Variants in ZC3H14 observed in about 807,000 individuals in gnomAD.
ZC3H14 encodes zinc finger CCCH domain-containing protein 14.
Under a neutral mutation model 92.4 loss-of-function variants are expected in ZC3H14, and 31 were observed. That is an observed-to-expected ratio of 0.34 (90% confidence interval 0.25 to 0.45). The LOEUF is 0.45. Ranked by LOEUF, ZC3H14 falls within the 20% of genes least tolerant of loss-of-function variation. The pLI is 1.00. For missense variants in ZC3H14, 781 were observed against 897.3 expected, an observed-to-expected ratio of 0.87 and a Z score of 1.66; for synonymous variants, 321 against 300.9, an observed-to-expected ratio of 1.07 and a Z score of -0.69.
chr14:88,596,711 A>T, intron 9 of ZC3H14, 23 bp from the exon 10 acceptor site: 1 of 1,606,572 alleles, frequency 6.2e-7, no homozygotes, highest in Non-Finnish European at 8.5e-7. Context: ...AAGCTTAGTG[A>T]AGTTTTAAAA....
rs924845591 is a variant in ZC3H14 at position 88,596,883 on chromosome 14, G to T, written c.1354+75G>T. Reference sequence around the variant, plus strand: ...TTCCATTTCTTACACCCCATTTAACGTATCTCGGATCTCTTAGATCCTGCC... The same window carrying T: ...TTCCATTTCTTACACCCCATTTAACTTATCTCGGATCTCTTAGATCCTGCC... On this transcript the variant is annotated intron_variant, in intron 10 of 16. Coordinates refer to ENST00000251038, the MANE Select transcript of ZC3H14 (RefSeq NM_024824.5). The T allele has an allele frequency of 4.9e-6, 6 of 1,232,976 alleles. No homozygotes were observed. In the Admixed American group the frequency reaches 1.0e-4, roughly 21 times the overall value. The allele number at this position is 1,232,976 out of a possible 1,614,324, so 76.4% of individuals were successfully genotyped here.
rs942118263 is a variant in ZC3H14, at chr14:88,572,301, C to T, written c.431+76C>T. On this transcript the variant is annotated intron_variant, in intron 5 of 16. Coordinates refer to ENST00000251038, the MANE Select transcript of ZC3H14 (RefSeq NM_024824.5). Reference sequence around the variant, plus strand: ...CATTTATATTAGTTTTTATATCTTTCAGTTTGCTGTTCTCAGCAATTTTTA... The same window carrying T: ...CATTTATATTAGTTTTTATATCTTTTAGTTTGCTGTTCTCAGCAATTTTTA... 7.2e-6 allele frequency: 11 copies of T among 1,519,990 alleles called. No individual in the cohort carries two copies. In the African/African-American group the frequency reaches 9.7e-5, roughly 13 times the overall value. The allele number at this position is 1,519,990 out of a possible 1,614,324, so 94.2% of individuals were successfully genotyped here. A position where few individuals can be genotyped will look rare whatever the true frequency, so the allele number is the denominator to read the frequency against.
intron 11 of ZC3H14, among the ~76,000 whole-genome samples, chr14:88,602,521 A>C (rs542539968): frequency 1.8e-4 from 27 of 152,262 alleles, no homozygotes; most frequent in South Asian, 6.2e-4. Flanking sequence ...CATTGATGCT[A>C]ATTTTTTGGT....
rs200309496 is a variant in ZC3H14, at chr14:88,575,935, C to T, written c.1118C>T (p.Ser373Phe). Reference sequence around the variant, plus strand: ...TCCGTAACAAAAACAACTAACTACTCTACAGGTAATTTAAATGTATTATGT... The same window carrying T: ...TCCGTAACAAAAACAACTAACTACTTTACAGGTAATTTAAATGTATTATGT... Reference protein sequence around the residue: ...QESVTKTTNYSTVPQKQTLPV... With the variant: ...QESVTKTTNYFTVPQKQTLPV... Residue 373 changes from serine (S) to phenylalanine (F), a missense_variant, in exon 8 of 17, where the codon TCT (serine) becomes TTT (phenylalanine). Ser to Phe is a radical substitution (Grantham distance 155). Transcript: ENST00000251038. 1.2e-6 allele frequency: 2 copies of T among 1,605,670 alleles called. No individual in the cohort carries two copies. Among genetic ancestry groups the T allele is most frequent in the Non-Finnish European group, 8.5e-7 (1 of 1,172,642 alleles).
chr14:88,593,341 C>T (rs1216312126), intron 9 of ZC3H14, among the ~76,000 whole-genome samples: 3 of 152,140 alleles, frequency 2.0e-5, no homozygotes, highest in Non-Finnish European at 4.4e-5. Context: ...CCTGTTTAAA[C>T]CCCAAATTGC....
At chr14:88,574,618 A>G in intron 6 of ZC3H14, 75 bp from the exon 7 acceptor site, 3 of 1,574,374 alleles carry the variant, frequency 1.9e-6, no homozygotes, top group East Asian at 2.2e-5. Context: ...TTTTTTTCTT[A>G]AAATGGAAAC....
intron 9 of ZC3H14, among the ~76,000 whole-genome samples, chr14:88,584,954 A>AAAAAAG (rs1027675476): frequency 1.2e-4 from 19 of 152,316 alleles, no homozygotes; most frequent in African/African-American, 4.3e-4. Flanking sequence ...ATGGTTAAAA[A>AAAAAAG]AAAAAGAAAA....
Position 88,625,193 on chromosome 14 carries a change from T to C in ZC3H14, c.*13442T>C. On this transcript the variant is annotated 3_prime_UTR_variant, in exon 17 of 17. Transcript: ENST00000251038. ...GTTCAAATAGAGTTTAAATAGATAA[T>C]TTTCTATGTATGTGTAATGCTGTCT... 2 of 1,555,860 alleles carry C rather than the reference T, an allele frequency of 1.3e-6. No individual in the cohort carries two copies. Among genetic ancestry groups the C allele is most frequent in the Non-Finnish European group, 8.7e-7 (1 of 1,144,692 alleles).
chr14:88,584,285 T>A (rs374084400), intron 9 of ZC3H14, among the ~76,000 whole-genome samples: 6 of 152,292 alleles, frequency 3.9e-5, no homozygotes, highest in African/African-American at 7.2e-5. Context: ...TTGGAAATAT[T>A]TTTTGAGATG....
chr14:88,567,772 A>G (rs2079892863), intron 2 of ZC3H14: 1 of 469,960 alleles, frequency 2.1e-6, no homozygotes, highest in Non-Finnish European at 4.0e-6. Context: ...AGATTCAAGG[A>G]AGTGAATGCA....
At chr14:88,567,902 G>A (rs1479592361) in intron 2 of ZC3H14, 137 bp from the exon 3 acceptor site, 1 of 734,206 alleles carries the variant, frequency 1.4e-6, no homozygotes, top group Non-Finnish European at 2.4e-6. Context: ...TTAAAGCTAA[G>A]CCATCTTGTC....
chr14:88,567,499 T>G (rs2079855433), intron 2 of ZC3H14, among the ~76,000 whole-genome samples: 1 of 151,790 alleles, frequency 6.6e-6, no homozygotes. Flanking sequence ...AACCGTGCAT[T>G]GAGTTGACAT....
At chr14:88,567,337 A>C (rs8013871) in intron 2 of ZC3H14, among the ~76,000 whole-genome samples, 2 of 151,186 alleles carry the variant, frequency 1.3e-5, no homozygotes, top group African/African-American at 4.9e-5. Context: ...GGATGGTCTC[A>C]ATCTCCTAAC....
intron 2 of ZC3H14, 81 bp from the exon 3 acceptor site, chr14:88,567,958 C>T: frequency 2.7e-6 from 3 of 1,110,524 alleles, no homozygotes; most frequent in South Asian, 2.6e-5. Context: ...CTTAGAGCTA[C>T]ATCTATATTT....
Position 88,621,432 on chromosome 14 carries a change from G to A in ZC3H14, c.*9681G>A. ...TTTGAGCTAATCTAGTAGCAAGGCA[G>A]TCATTAGCTCATGCAAATTTTTCTA... On this transcript the variant is annotated 3_prime_UTR_variant, in exon 17 of 17. Transcript: ENST00000251038. The A allele has an allele frequency of 1.0e-6, 1 of 991,488 alleles. No homozygotes were observed. The highest frequency in any genetic ancestry group is 1.5e-6 in the Non-Finnish European group (1 of 656,866). 61.4% of individuals were successfully genotyped at this position (991,488 alleles called of 1,614,324 possible).
chr14:88,627,137 A>G lies in ZC3H14; in HGVS notation c.*15386A>G, dbSNP rs569874477. The G allele has an allele frequency of 1.5e-6, 2 of 1,367,998 alleles. No homozygotes were observed. Among genetic ancestry groups the G allele is most frequent in the East Asian group, 4.6e-5 (2 of 43,662 alleles). The allele number at this position is 1,367,998 out of a possible 1,614,324, so 84.7% of individuals were successfully genotyped here. A position where few individuals can be genotyped will look rare whatever the true frequency, so the allele number is the denominator to read the frequency against. On this transcript the variant is annotated 3_prime_UTR_variant, in exon 17 of 17. Transcript: ENST00000251038. ...AATATGTAAAATACATAGTTCAAAA[A>G]ACAAAGGCTTAGAAGAGAGGCCAAT... is the stretch of plus-strand genomic sequence containing the variant.
intron 9 of ZC3H14, among the ~76,000 whole-genome samples, chr14:88,579,779 T>C (rs1045091995): frequency 6.6e-6 from 1 of 151,990 alleles, no homozygotes; most frequent in Non-Finnish European, 1.5e-5. Flanking sequence ...AATTAAAAGA[T>C]AAAAGGGAAT....
At chr14:88,603,995 A>C in intron 12 of ZC3H14, among the ~76,000 whole-genome samples, 1 of 152,140 alleles carries the variant, frequency 6.6e-6, no homozygotes, top group Non-Finnish European at 1.5e-5. Context: ...TAGTGGAGGG[A>C]GTTGAAAATC....
chr14:88,613,562 TC>T lies in ZC3H14; in HGVS notation c.*1812del, dbSNP rs1311192150. On this transcript the variant is annotated 3_prime_UTR_variant, in exon 17 of 17. Coordinates refer to ENST00000251038, the MANE Select transcript of ZC3H14 (RefSeq NM_024824.5). Reference sequence around the variant, plus strand: ...CCCAGACACATATTTAAGAGTTTAATCTTTCAGTTGCTATGGCTTATGAACA... The same window carrying T: ...CCCAGACACATATTTAAGAGTTTAATTTTCAGTTGCTATGGCTTATGAACA... 1 of 152,132 alleles carries T rather than the reference TC, an allele frequency of 6.6e-6. No individual in the cohort carries two copies. The highest frequency in any genetic ancestry group is 6.5e-5 in the Admixed American group (1 of 15,270). The allele number at this position is 152,132 out of a possible 1,614,324, so 9.4% of individuals were successfully genotyped here. A position where few individuals can be genotyped will look rare whatever the true frequency, so the allele number is the denominator to read the frequency against.
Sources: gnomAD v4.1 joint callset for allele counts (sites outside exome capture counted in the v4.1 genomes callset) on GRCh38, gnomAD v4.1.1 for gene constraint, MANE v1.5 for transcripts, NCBI Gene and HGNC (gene_info 2026-07-23, HGNC 2026-07-21) for gene names.